PCDH15: variants seen among roughly 807,000 people sequenced by gnomAD.
PCDH15 encodes protocadherin related 15.
In PCDH15, 129 loss-of-function variants were observed where a neutral mutation model predicts 178.5. That is an observed-to-expected ratio of 0.72 (90% CI 0.63 to 0.84). The LOEUF is 0.84. Ranked by LOEUF, PCDH15 falls within the 40% of genes least tolerant of loss-of-function variation. PCDH15 has a pLI of 0.00. For missense variants in PCDH15, 2,230 were observed against 2,099.9 expected (o/e 1.06, Z -1.21); for synonymous variants, 800 against 732.0 (o/e 1.09, Z -1.50).
intron 2 of PCDH15, among the ~76,000 whole-genome samples, chr10:54,960,533 C>T (rs1185474151): frequency 6.6e-6 from 1 of 152,070 alleles, no homozygotes; most frequent in African/African-American, 2.4e-5. Context: ...TTCTTGAGTT[C>T]CCATGTGATT....
intron 1 of PCDH15, among the ~76,000 whole-genome samples, chr10:54,774,370 G>A (rs1184318136): frequency 6.6e-6 from 1 of 151,766 alleles, no homozygotes; most frequent in African/African-American, 2.4e-5. Context: ...ACTCATTAAG[G>A]GCAGTAAAAC....
chr10:55,623,752 G>C (rs1837461839), intron 2 of PCDH15, among the ~76,000 whole-genome samples: 1 of 150,276 alleles, frequency 6.7e-6, no homozygotes, highest in African/African-American at 2.5e-5. Flanking sequence ...TTTTGAAAAA[G>C]GCAGTCTTTG....
chr10:55,547,598 A>C (rs1336076622), intron 2 of PCDH15, among the ~76,000 whole-genome samples: 1 of 152,132 alleles, frequency 6.6e-6, no homozygotes, highest in Non-Finnish European at 1.5e-5. Context: ...AACAAACAAA[A>C]AAACATTAAA....
At chr10:55,060,369 G>A (rs1841400607) in intron 2 of PCDH15, among the ~76,000 whole-genome samples, 1 of 152,006 alleles carries the variant, frequency 6.6e-6, no homozygotes, top group East Asian at 1.9e-4. Context: ...GAAAACTGAA[G>A]GCCTACACTT....
At chr10:54,975,300 A>G (rs1839041248) in intron 2 of PCDH15, among the ~76,000 whole-genome samples, 1 of 152,176 alleles carries the variant, frequency 6.6e-6, no homozygotes. Flanking sequence ...CAAGTTACTT[A>G]AACCTTCTGT....
At chr10:54,993,457 G>A (rs2131920028) in intron 2 of PCDH15, among the ~76,000 whole-genome samples, 2 of 152,214 alleles carry the variant, frequency 1.3e-5, no homozygotes, top group Middle Eastern at 3.4e-3. Flanking sequence ...ACATTCTGTC[G>A]ACTCTCTTAA....
intron 2 of PCDH15, among the ~76,000 whole-genome samples, chr10:55,586,991 G>A (rs1225593794): frequency 1.3e-5 from 2 of 152,080 alleles, no homozygotes; most frequent in African/African-American, 4.8e-5. Flanking sequence ...CCAGGTTAAA[G>A]TGGGAACAGA....
intron 1 of PCDH15, among the ~76,000 whole-genome samples, chr10:55,267,111 A>G (rs1842318786): frequency 6.6e-6 from 1 of 152,026 alleles, no homozygotes. Context: ...GAATAAAGGA[A>G]GGCAGGGAGG....
At chr10:54,770,170 G>T (rs574648640) in intron 1 of PCDH15, among the ~76,000 whole-genome samples, 44 of 152,080 alleles carry the variant, frequency 2.9e-4, no homozygotes, top group African/African-American at 1.0e-3. Flanking sequence ...ATTTGACTAG[G>T]GCATATGTTT....
intron 2 of PCDH15, among the ~76,000 whole-genome samples, chr10:55,568,434 G>C (rs755876709): frequency 6.6e-6 from 1 of 151,938 alleles, no homozygotes; most frequent in Non-Finnish European, 1.5e-5. Context: ...TTTAAAGATT[G>C]TAAGAGTTCT....
intron 2 of PCDH15, among the ~76,000 whole-genome samples, chr10:54,577,145 C>T (rs1274347425): frequency 5.9e-5 from 9 of 151,822 alleles, no homozygotes; most frequent in South Asian, 2.1e-4. Context: ...TGCAGTGACG[C>T]GATCTCGGCT....
chr10:53,961,134 T>TTTCCTAATAC (rs565253368), intron 22 of PCDH15, among the ~76,000 whole-genome samples: 1,584 of 151,970 alleles, frequency 0.01, 27 homozygotes, highest in African/African-American at 0.035. Flanking sequence ...ATAACAACAA[T>TTTCCTAATAC]CAGTATTGAG....
At chr10:55,146,490 T>C (rs773866288) in intron 2 of PCDH15, among the ~76,000 whole-genome samples, 3 of 151,956 alleles carry the variant, frequency 2.0e-5, no homozygotes, top group Non-Finnish European at 4.4e-5. Flanking sequence ...AGTTGTCTTG[T>C]TACTTAGAAA....
intron 2 of PCDH15, among the ~76,000 whole-genome samples, chr10:55,563,604 G>C (rs1842243789): frequency 6.6e-6 from 1 of 151,550 alleles, no homozygotes; most frequent in African/African-American, 2.4e-5. Flanking sequence ...GAACAAGAAA[G>C]TATGGCTCAT....
intron 2 of PCDH15, among the ~76,000 whole-genome samples, chr10:55,498,372 T>C (rs1005551597): frequency 2.0e-5 from 3 of 151,884 alleles, no homozygotes; most frequent in Non-Finnish European, 4.4e-5. Context: ...TTCCACAGTA[T>C]AGCTGCACCC....
At chr10:55,107,707 G>A (rs1165072915) in intron 2 of PCDH15, among the ~76,000 whole-genome samples, 3 of 151,438 alleles carry the variant, frequency 2.0e-5, no homozygotes, top group African/African-American at 7.3e-5. Context: ...TGGCCAGGCT[G>A]GTCTCGAACT....
At chr10:54,612,029 G>A (rs115976496) in intron 2 of PCDH15, among the ~76,000 whole-genome samples, 23 of 151,842 alleles carry the variant, frequency 1.5e-4, no homozygotes, top group Admixed American at 4.6e-4. Flanking sequence ...GTTAAATTTC[G>A]TTTCTTAAGG....
At chr10:54,511,536 T>C (rs1159949091) in intron 3 of PCDH15, among the ~76,000 whole-genome samples, 7 of 152,200 alleles carry the variant, frequency 4.6e-5, no homozygotes. Context: ...TATTGATTAT[T>C]GTGTTGTTTG....
At chr10:54,942,163 A>C (rs1352606353) in intron 2 of PCDH15, among the ~76,000 whole-genome samples, 1 of 152,054 alleles carries the variant, frequency 6.6e-6, no homozygotes, top group East Asian at 1.9e-4. Flanking sequence ...TTTTCATTCT[A>C]AATAAATTCT....
Sources: allele counts gnomAD v4.1 joint callset (sites outside exome capture counted in the v4.1 genomes callset), GRCh38; gene constraint gnomAD v4.1.1; transcripts MANE v1.5; gene names NCBI Gene and HGNC (gene_info 2026-07-23, HGNC 2026-07-21).